The following FABP7 variants were observed in gnomAD, a reference collection of about 807,000 sequenced individuals.
The protein encoded by FABP7 is fatty acid binding protein 7.
In FABP7, 13 loss-of-function variants were observed where a neutral mutation model predicts 14.2. The ratio of observed to expected loss-of-function variants is 0.91; its 90% confidence interval spans 0.59 to 1.45. FABP7 has a LOEUF of 1.45. Among genes scored for constraint, FABP7 ranks in the 40% most tolerant of loss-of-function variants. FABP7 has a pLI of 0.00. For missense variants in FABP7, 149 were observed against 157.6 expected (o/e 0.95, Z 0.29); for synonymous variants, 49 against 51.4 (o/e 0.95, Z 0.20).
At chr6:122,782,021 G>A in intron 3 of FABP7, 1 of 978,754 alleles carries the variant, frequency 1.0e-6, no homozygotes, top group Non-Finnish European at 1.2e-6. Flanking sequence ...CAGAGTGCTG[G>A]GATTACAGGC....
chr6:122,749,822 A>G, the FABP7 span, among the ~76,000 whole-genome samples: 9 of 152,362 alleles, frequency 5.9e-5, no homozygotes, highest in East Asian at 1.7e-3. Context: ...TTCTTGTATT[A>G]TAAAAGATCA....
At chr6:122,776,622 T>C (rs1184599954), upstream of FABP7, among the ~76,000 whole-genome samples, 1 of 152,168 alleles carries the variant, frequency 6.6e-6, no homozygotes. Context: ...AGGTTTACTA[T>C]AGTTAACAAT....
chr6:122,781,394 ACTT>A (rs1562340149), intron 3 of FABP7, 200 bp downstream of exon 3: 9 of 1,429,450 alleles, frequency 6.3e-6, no homozygotes, highest in Non-Finnish European at 6.4e-6. Flanking sequence ...CTTCAGCTCA[ACTT>A]CTTTGATTGT....
At chr6:122,761,846 T>C in the FABP7 span, among the ~76,000 whole-genome samples, 1 of 152,180 alleles carries the variant, frequency 6.6e-6, no homozygotes, top group African/African-American at 2.4e-5. Context: ...ACTCAATTCT[T>C]TTCTGTTTTT....
chr6:122,774,931 C>T (rs1463873077), upstream of FABP7, among the ~76,000 whole-genome samples: 1 of 151,488 alleles, frequency 6.6e-6, no homozygotes, highest in Non-Finnish European at 1.5e-5. Context: ...AAACAAATAC[C>T]TAGGAATACA....
the FABP7 span, among the ~76,000 whole-genome samples, chr6:122,769,928 A>G: frequency 4.6e-5 from 7 of 152,260 alleles, no homozygotes; most frequent in African/African-American, 1.7e-4. Flanking sequence ...ACAAAGGCTT[A>G]TAATACTGTG....
At chr6:122,768,357 GC>G in the FABP7 span, among the ~76,000 whole-genome samples, 1 of 152,048 alleles carries the variant, frequency 6.6e-6, no homozygotes, top group Non-Finnish European at 1.5e-5. Flanking sequence ...CAAACTATGT[GC>G]CCAAAATAAA....
chr6:122,760,287 C>T, the FABP7 span, among the ~76,000 whole-genome samples: 1 of 152,102 alleles, frequency 6.6e-6, no homozygotes, highest in African/African-American at 2.4e-5. Flanking sequence ...ATACTTTAAT[C>T]CTGTAAAATG....
upstream of FABP7, among the ~76,000 whole-genome samples, chr6:122,776,076 G>T (rs542863350): frequency 1.3e-5 from 2 of 152,190 alleles, no homozygotes; most frequent in South Asian, 2.1e-4. Context: ...ATACACTGTT[G>T]TTGGGAATGT....
chr6:122,781,590 T>G, intron 3 of FABP7: 1 of 1,186,480 alleles, frequency 8.4e-7, no homozygotes, highest in Non-Finnish European at 1.1e-6. Flanking sequence ...CTCAGACAGA[T>G]GACTTTATAG....
the FABP7 span, among the ~76,000 whole-genome samples, chr6:122,753,794 C>CA: frequency 2.9e-5 from 3 of 105,134 alleles, no homozygotes; most frequent in Non-Finnish European, 3.9e-5. Flanking sequence ...GCCCCCCCCC[C>CA]GCCCACAGAA....
the FABP7 span, among the ~76,000 whole-genome samples, chr6:122,755,001 A>G: frequency 1.7e-4 from 23 of 135,282 alleles, no homozygotes; most frequent in Non-Finnish European, 2.5e-4. Flanking sequence ...TCATTCTCTA[A>G]CAATCACTTT....
At chr6:122,770,004 T>G in the FABP7 span, among the ~76,000 whole-genome samples, 1 of 152,166 alleles carries the variant, frequency 6.6e-6, no homozygotes, top group Non-Finnish European at 1.5e-5. Flanking sequence ...TTTACAATGA[T>G]GTTATTTATC....
chr6:122,782,739 C>T (rs1780823664), intron 3 of FABP7: 2 of 985,358 alleles, frequency 2.0e-6, no homozygotes. Flanking sequence ...TTCCTTCTCC[C>T]CTTGACTACT....
the FABP7 span, among the ~76,000 whole-genome samples, chr6:122,756,657 G>A: frequency 2.0e-5 from 3 of 152,020 alleles, no homozygotes; most frequent in Non-Finnish European, 4.4e-5. Flanking sequence ...AGGACTTGTC[G>A]ATAATACATC....
At chr6:122,762,641 C>T in the FABP7 span, among the ~76,000 whole-genome samples, 3 of 152,126 alleles carry the variant, frequency 2.0e-5, no homozygotes, top group Admixed American at 6.5e-5. Flanking sequence ...TTTAGAAAAC[C>T]CCATCGTCTC....
chr6:122,765,556 A>C, the FABP7 span, among the ~76,000 whole-genome samples: 1 of 151,974 alleles, frequency 6.6e-6, no homozygotes, highest in African/African-American at 2.4e-5. Flanking sequence ...TGTCTTGTCT[A>C]ATATTTTTAT....
the FABP7 span, among the ~76,000 whole-genome samples, chr6:122,752,354 T>C: frequency 6.6e-6 from 1 of 152,202 alleles, no homozygotes; most frequent in Non-Finnish European, 1.5e-5. Flanking sequence ...CAATCATGCA[T>C]GCATGCACTC....
chr6:122,773,435 A>C, the FABP7 span, among the ~76,000 whole-genome samples: 1 of 152,116 alleles, frequency 6.6e-6, no homozygotes, highest in Non-Finnish European at 1.5e-5. Context: ...TTTTAAATCT[A>C]TACTGTCACC....
Sources: allele counts gnomAD v4.1 joint callset (sites outside exome capture counted in the v4.1 genomes callset), GRCh38; gene constraint gnomAD v4.1.1; transcripts MANE v1.5; gene names NCBI Gene and HGNC (gene_info 2026-07-23, HGNC 2026-07-21).